TASL: variants seen among roughly 807,000 people sequenced by gnomAD.
The protein encoded by TASL is TLR adaptor interacting with endolysosomal SLC15A4.
In TASL, 6 loss-of-function variants were observed where a neutral mutation model predicts 12.9. The ratio of observed to expected loss-of-function variants is 0.46; its 90% CI spans 0.25 to 0.92. The LOEUF (loss-of-function observed/expected upper bound fraction) is 0.92, where lower values mean the gene tolerates loss of function less well. TASL is among the 40% of genes least tolerant of loss of function. The pLI is 0.17. For missense variants in TASL, 165 were observed against 212.8 expected, an observed-to-expected ratio of 0.78 and a Z score of 1.40; for synonymous variants, 85 against 79.3, an observed-to-expected ratio of 1.07 and a Z score of -0.38.
intron 2 of TASL, among the ~76,000 whole-genome samples, chrX:30,576,100 G>A (rs1930700298): frequency 1.8e-5 from 2 of 111,872 alleles, no homozygotes; most frequent in Non-Finnish European, 3.8e-5. Context: ...AACTACAAAT[G>A]CAATGCAAGA....
At chrX:30,561,675 G>A (rs1254004000) in intron 2 of TASL, among the ~76,000 whole-genome samples, 1 of 109,486 alleles carries the variant, frequency 9.1e-6, no homozygotes, top group Non-Finnish European at 1.9e-5. Flanking sequence ...TTTAAAAATT[G>A]TATAAGGGTA....
chrX:30,560,008 A>G lies in TASL; in HGVS notation c.348T>C (p.Ser116=), dbSNP rs1315427718. Reference sequence around the variant, plus strand: ...TATAATTCTTGCAAATACTTTTGCAAGAAGATGGAACCAAGTAGGTCTCTC... The same window carrying G: ...TATAATTCTTGCAAATACTTTTGCAGGAAGATGGAACCAAGTAGGTCTCTC... ...ASRETYLVPS[S]CKSICKNYND... is the part of the protein sequence containing the mutation. Residue 116 remains serine (S), a synonymous_variant, in exon 3 of 3, where the codon TCT becomes TCC. Transcript: ENST00000378962. 6.6e-6 allele frequency: 8 copies of G among 1,209,641 alleles called. No individual in the cohort carries two copies. The highest frequency in any genetic ancestry group is 8.9e-6 in the Non-Finnish European group (8 of 894,906).
At chrX:30,562,943 A>C (rs753200484) in intron 2 of TASL, among the ~76,000 whole-genome samples, 35 of 107,963 alleles carry the variant, frequency 3.2e-4, no homozygotes, top group East Asian at 1.4e-3. Context: ...TACACACACA[A>C]AAAAAAAACA....
At chrX:30,562,415 C>T (rs1008895859) in intron 2 of TASL, among the ~76,000 whole-genome samples, 2 of 111,229 alleles carry the variant, frequency 1.8e-5, no homozygotes, top group African/African-American at 6.5e-5. Context: ...ATCACCTGGG[C>T]GGGCCAGCAT....
intron 2 of TASL, among the ~76,000 whole-genome samples, chrX:30,569,703 C>T (rs1460367979): frequency 9.0e-6 from 1 of 111,627 alleles, no homozygotes; most frequent in Non-Finnish European, 1.9e-5. Flanking sequence ...ATGCATTGAA[C>T]AAGTCACATT....
chrX:30,570,488 C>T (rs191289937), intron 2 of TASL, among the ~76,000 whole-genome samples: 4 of 111,469 alleles, frequency 3.6e-5, no homozygotes, highest in African/African-American at 1.3e-4. Flanking sequence ...GCTCATTTTA[C>T]AGATGACAAA....
chrX:30,577,289 T>C (rs1365193936), intron 1 of TASL, among the ~76,000 whole-genome samples: 1 of 112,441 alleles, frequency 8.9e-6, no homozygotes, highest in Admixed American at 9.5e-5. Flanking sequence ...ATGCAGAAGC[T>C]AAACCAGTGT....
intron 2 of TASL, among the ~76,000 whole-genome samples, chrX:30,562,786 G>A (rs780158057): frequency 6.3e-5 from 7 of 110,280 alleles, no homozygotes; most frequent in Non-Finnish European, 1.3e-4. Context: ...AATTGAGGTT[G>A]AAGAAAGCAA....
At chrX:30,571,758 T>G (rs934014418) in intron 2 of TASL, among the ~76,000 whole-genome samples, 2 of 111,488 alleles carry the variant, frequency 1.8e-5, no homozygotes, top group East Asian at 2.8e-4. Flanking sequence ...TTATTTTGAC[T>G]GATTTTTGCA....
intron 2 of TASL, among the ~76,000 whole-genome samples, chrX:30,571,317 A>AGAAAGAAAG (rs1930619097): frequency 9.6e-6 from 1 of 104,244 alleles, no homozygotes; most frequent in African/African-American, 3.4e-5. Context: ...AAAGAAAGAA[A>AGAAAGAAAG]GAAAGAAAGA....
intron 2 of TASL, among the ~76,000 whole-genome samples, chrX:30,572,655 G>A (rs1282678145): frequency 4.5e-5 from 5 of 112,051 alleles, no homozygotes; most frequent in African/African-American, 1.3e-4. Flanking sequence ...CAACACAAGC[G>A]TGGAGTCAAA....
At chrX:30,563,186 GTGATAGAGAGTTAGTTC>G (rs952583158) in intron 2 of TASL, among the ~76,000 whole-genome samples, 2 of 110,993 alleles carry the variant, frequency 1.8e-5, no homozygotes, top group African/African-American at 3.3e-5. Context: ...TCCTGTTCTC[GTGATAGAGAGTTAGTTC>G]TCACGAGATC....
At chrX:30,567,022 C>T (rs764108941) in intron 2 of TASL, among the ~76,000 whole-genome samples, 1 of 111,848 alleles carries the variant, frequency 8.9e-6, no homozygotes, top group East Asian at 2.8e-4. Context: ...GGCACAGTGG[C>T]TCATGCCTGT....
chrX:30,565,756 A>T (rs2051993176), intron 2 of TASL, among the ~76,000 whole-genome samples: 1 of 111,857 alleles, frequency 8.9e-6, no homozygotes, highest in Non-Finnish European at 1.9e-5. Context: ...TTATAACTGC[A>T]GTATTTTTTT....
intron 2 of TASL, among the ~76,000 whole-genome samples, chrX:30,565,894 C>A (rs1930490478): frequency 1.8e-5 from 2 of 109,893 alleles, no homozygotes; most frequent in Admixed American, 9.7e-5. Context: ...CCTCAGCCTC[C>A]CGAGTAGCTG....
intron 2 of TASL, among the ~76,000 whole-genome samples, chrX:30,571,571 T>G: frequency 9.6e-6 from 1 of 103,762 alleles, no homozygotes; most frequent in Non-Finnish European, 2.0e-5. Flanking sequence ...GAGGTTGCAG[T>G]GAGCTGAGAT....
chrX:30,569,505 G>A (rs1930558415), intron 2 of TASL, among the ~76,000 whole-genome samples: 2 of 111,426 alleles, frequency 1.8e-5, no homozygotes, highest in South Asian at 7.5e-4. Context: ...ATTCAGGTAG[G>A]CAGCTCATTA....
At chrX:30,561,694 ATT>A (rs72131494) in intron 2 of TASL, among the ~76,000 whole-genome samples, 1 of 108,321 alleles carries the variant, frequency 9.2e-6, no homozygotes, top group African/African-American at 3.4e-5. Context: ...TAAGATAGTA[ATT>A]TTTTTTTTCT....
intron 2 of TASL, among the ~76,000 whole-genome samples, chrX:30,563,095 T>G (rs1197461481): frequency 1.8e-5 from 2 of 111,654 alleles, no homozygotes; most frequent in Non-Finnish European, 3.8e-5. Flanking sequence ...AATCTCATCT[T>G]GAATTGTAGT....
Sources: gnomAD v4.1 joint callset for allele counts (sites outside exome capture counted in the v4.1 genomes callset) on GRCh38, gnomAD v4.1.1 for gene constraint, MANE v1.5 for transcripts, NCBI Gene and HGNC (gene_info 2026-07-23, HGNC 2026-07-21) for gene names.